HCN1: variants seen among roughly 807,000 people sequenced by gnomAD.
The protein encoded by HCN1 is hyperpolarization activated cyclic nucleotide gated potassium channel 1, also known as potassium/sodium hyperpolarization-activated cyclic nucleotide-gated channel 1.
In HCN1, 13 loss-of-function variants were observed where a neutral mutation model predicts 78.9. The observed-to-expected ratio is 0.16, with a 90% CI of 0.11 to 0.26. HCN1 has a LOEUF of 0.26. Among genes scored for constraint, HCN1 ranks in the 10% least tolerant of loss-of-function variants. The probability of loss-of-function intolerance (pLI) is 1.00; values close to 1 mark genes in which losing one functional copy is unlikely to be tolerated. For missense variants in HCN1, 810 were observed against 1,154.3 expected, an observed-to-expected ratio of 0.70 and a Z score of 4.32; for synonymous variants, 552 against 455.5, an observed-to-expected ratio of 1.21 and a Z score of -2.70.
At chr5:45,298,333 C>T (rs1303673783) in intron 6 of HCN1, among the ~76,000 whole-genome samples, 1 of 152,010 alleles carries the variant, frequency 6.6e-6, no homozygotes, top group Non-Finnish European at 1.5e-5. Flanking sequence ...CCCTGCACCA[C>T]CTCAGGGCTT....
chr5:45,514,305 A>G (rs1396392122), intron 2 of HCN1, among the ~76,000 whole-genome samples: 3 of 152,112 alleles, frequency 2.0e-5, no homozygotes, highest in African/African-American at 7.2e-5. Flanking sequence ...GTCTTTCCTA[A>G]TATTTCATTA....
At chr5:45,376,573 G>T (rs749014605) in intron 4 of HCN1, among the ~76,000 whole-genome samples, 6 of 151,514 alleles carry the variant, frequency 4.0e-5, no homozygotes, top group Non-Finnish European at 5.9e-5. Context: ...AAAGGATGAT[G>T]ATAACAAGCA....
chr5:45,620,842 G>A (rs940899233), intron 2 of HCN1, among the ~76,000 whole-genome samples: 1 of 151,970 alleles, frequency 6.6e-6, no homozygotes, highest in African/African-American at 2.4e-5. Context: ...ACCAAATGAA[G>A]GTACTTTAAG....
At chr5:45,508,948 T>G (rs1039123438) in intron 2 of HCN1, among the ~76,000 whole-genome samples, 1 of 152,154 alleles carries the variant, frequency 6.6e-6, no homozygotes, top group African/African-American at 2.4e-5. Flanking sequence ...CAATTTATCC[T>G]ACTATTCAGC....
At chr5:45,427,307 T>C (rs1383870758) in intron 3 of HCN1, among the ~76,000 whole-genome samples, 1 of 152,050 alleles carries the variant, frequency 6.6e-6, no homozygotes, top group Non-Finnish European at 1.5e-5. Flanking sequence ...ACAAAAGAAC[T>C]AGTGGCTGTT....
At chr5:45,423,570 T>C (rs1458777111) in intron 3 of HCN1, among the ~76,000 whole-genome samples, 2 of 151,554 alleles carry the variant, frequency 1.3e-5, no homozygotes, top group Non-Finnish European at 2.9e-5. Context: ...TCTACATATT[T>C]CAATCATATC....
chr5:45,684,373 T>C (rs1168421904), intron 1 of HCN1, among the ~76,000 whole-genome samples: 1 of 152,194 alleles, frequency 6.6e-6, no homozygotes, highest in African/African-American at 2.4e-5. Context: ...TTCTGCTTTT[T>C]ATACATTAGA....
intron 6 of HCN1, among the ~76,000 whole-genome samples, chr5:45,286,695 G>A (rs1395532400): frequency 1.3e-5 from 2 of 151,928 alleles, no homozygotes; most frequent in Non-Finnish European, 2.9e-5. Context: ...ACATATCCAA[G>A]CAAAGGGAAC....
chr5:45,677,165 C>A (rs1739573927), intron 1 of HCN1, among the ~76,000 whole-genome samples: 1 of 151,796 alleles, frequency 6.6e-6, no homozygotes, highest in African/African-American at 2.4e-5. Context: ...CTCTACCCTG[C>A]CACATATTAC....
At chr5:45,523,014 C>G (rs191479649) in intron 2 of HCN1, among the ~76,000 whole-genome samples, 1 of 151,818 alleles carries the variant, frequency 6.6e-6, no homozygotes, top group Non-Finnish European at 1.5e-5. Flanking sequence ...CCCACTCCCC[C>G]CACCCCACAA....
chr5:45,549,256 G>T (rs1438435266), intron 2 of HCN1, among the ~76,000 whole-genome samples: 4 of 152,028 alleles, frequency 2.6e-5, no homozygotes, highest in Admixed American at 6.6e-5. Context: ...ATACTACAAG[G>T]CTACAGTAAC....
chr5:45,323,587 T>C (rs1561106289), intron 5 of HCN1, among the ~76,000 whole-genome samples: 1 of 152,022 alleles, frequency 6.6e-6, no homozygotes, highest in Admixed American at 6.6e-5. Flanking sequence ...TATTATACTT[T>C]AAGTTTTACA....
intron 1 of HCN1, among the ~76,000 whole-genome samples, chr5:45,658,897 A>T (rs1745852890): frequency 6.8e-6 from 1 of 147,462 alleles, no homozygotes. Flanking sequence ...GCCATTGCCC[A>T]GGCTTGCTTA....
In HCN1 at chr5:45,269,010, C is replaced by T. The variant is rs538381073; in HGVS notation, c.1619-1757G>A. Among the ~76,000 whole-genome samples the T allele has an allele frequency of 1.4e-3, 218 of 152,262 alleles. 1 individual carries two copies. The highest frequency in any genetic ancestry group is 5.1e-3 in the African/African-American group (210 of 41,546). On this transcript the variant is annotated intron_variant, in intron 6 of 7. Coordinates refer to ENST00000303230, the MANE Select transcript of HCN1 (RefSeq NM_021072.4). ...GGCAAACAAAGCTAAGTGTTGGTTT[C>T]AAATCTTGTGTGGAATGCTAAATGA...
chr5:45,677,749 A>G (rs1008706895), intron 1 of HCN1, among the ~76,000 whole-genome samples: 7 of 151,880 alleles, frequency 4.6e-5, no homozygotes, highest in Admixed American at 6.6e-5. Context: ...AAGTCTGGGA[A>G]GGTCAAACGT....
intron 1 of HCN1, among the ~76,000 whole-genome samples, chr5:45,684,688 C>A (rs1050335829): frequency 3.3e-5 from 5 of 152,040 alleles, no homozygotes; most frequent in African/African-American, 1.2e-4. Context: ...TGGTAAAACC[C>A]CATCTCTACT....
chr5:45,685,757 A>C (rs1040633317), intron 1 of HCN1, among the ~76,000 whole-genome samples: 1 of 152,142 alleles, frequency 6.6e-6, no homozygotes, highest in Non-Finnish European at 1.5e-5. Flanking sequence ...TCATGACTAG[A>C]CCAATTTCAC....
chr5:45,692,753 A>G (rs542182216), intron 1 of HCN1, among the ~76,000 whole-genome samples: 2 of 152,314 alleles, frequency 1.3e-5, no homozygotes, highest in South Asian at 2.1e-4. Flanking sequence ...GTGGGAGCAC[A>G]GCCTTGTCCC....
intron 6 of HCN1, among the ~76,000 whole-genome samples, chr5:45,272,109 A>G (rs1407688008): frequency 6.6e-6 from 1 of 152,156 alleles, no homozygotes; most frequent in East Asian, 1.9e-4. Context: ...CTGATCAAAG[A>G]GGCTTAGATT....
Sources: gnomAD v4.1 joint callset for allele counts (sites outside exome capture counted in the v4.1 genomes callset) on GRCh38, gnomAD v4.1.1 for gene constraint, MANE v1.5 for transcripts, NCBI Gene and HGNC (gene_info 2026-07-23, HGNC 2026-07-21) for gene names.